The following NUMB variants were observed in gnomAD, a reference collection of about 807,000 sequenced individuals.
The protein encoded by NUMB is NUMB endocytic adaptor protein.
NUMB carries 29 observed loss-of-function variants against 59.7 expected under a neutral mutation model. That is an observed-to-expected ratio of 0.49 (90% CI 0.36 to 0.66). The LOEUF (loss-of-function observed/expected upper bound fraction) is 0.66, where lower values mean the gene tolerates loss of function less well. Among genes scored for constraint, NUMB ranks in the 30% least tolerant of loss-of-function variants. NUMB has a pLI of 0.00. For missense variants in NUMB, 723 were observed against 822.0 expected, an observed-to-expected ratio of 0.88 and a Z score of 1.47; for synonymous variants, 288 against 288.2, an observed-to-expected ratio of 1.00 and a Z score of 0.01.
chr14:73,309,953 A>G (rs1016870140), intron 6 of NUMB, among the ~76,000 whole-genome samples: 6 of 152,158 alleles, frequency 3.9e-5, no homozygotes, highest in African/African-American at 1.4e-4. Context: ...TGCATTCTCT[A>G]AAACTTAACC....
At chr14:73,448,754 T>A (rs1458656452) in intron 1 of NUMB, among the ~76,000 whole-genome samples, 2 of 152,180 alleles carry the variant, frequency 1.3e-5, no homozygotes, top group African/African-American at 4.8e-5. Flanking sequence ...TAATGCTCAA[T>A]TGTTTTTTTC....
intron 2 of NUMB, among the ~76,000 whole-genome samples, chr14:73,387,037 C>A (rs542801866): frequency 2.0e-5 from 3 of 150,936 alleles, no homozygotes; most frequent in African/African-American, 7.3e-5. Flanking sequence ...CCCGCCACTA[C>A]GCCCGGCTAA....
chr14:73,294,220 C>CT (rs1456530839), intron 7 of NUMB, among the ~76,000 whole-genome samples: 5 of 151,722 alleles, frequency 3.3e-5, no homozygotes, highest in Non-Finnish European at 7.4e-5. Flanking sequence ...CGTTTTTGTT[C>CT]TTTTTTTGAG....
At chr14:73,371,154 C>T (rs1894653571) in intron 2 of NUMB, among the ~76,000 whole-genome samples, 2 of 152,120 alleles carry the variant, frequency 1.3e-5, no homozygotes, top group Non-Finnish European at 2.9e-5. Flanking sequence ...CATTTTAGTC[C>T]TAAATATTTT....
chr14:73,447,785 ATTTTTT>A (rs578171322), intron 1 of NUMB, among the ~76,000 whole-genome samples: 1 of 141,550 alleles, frequency 7.1e-6, no homozygotes, highest in South Asian at 2.2e-4. Flanking sequence ...TTTCTTGCCG[ATTTTTT>A]TTTTTTTTTG....
intron 1 of NUMB, among the ~76,000 whole-genome samples, chr14:73,411,118 A>G (rs368125177): frequency 6.6e-6 from 1 of 150,840 alleles, no homozygotes; most frequent in African/African-American, 2.4e-5. Context: ...TGCAGCCTCA[A>G]TCTGCCAGGC....
chr14:73,342,470 C>T (rs1025921584), intron 4 of NUMB, among the ~76,000 whole-genome samples: 1 of 152,174 alleles, frequency 6.6e-6, no homozygotes. Context: ...AAATTATAAG[C>T]ACTGGAAAAT....
intron 2 of NUMB, among the ~76,000 whole-genome samples, chr14:73,372,839 T>G (rs1216778581): frequency 1.3e-5 from 2 of 152,208 alleles, no homozygotes; most frequent in Non-Finnish European, 2.9e-5. Context: ...TATTTCATTA[T>G]TCATCACTGT....
intron 4 of NUMB, among the ~76,000 whole-genome samples, chr14:73,345,565 TTTTG>T (rs1398886097): frequency 1.3e-5 from 2 of 152,202 alleles, no homozygotes; most frequent in African/African-American, 4.8e-5. Context: ...CCAAGGAGTT[TTTTG>T]TTTATGTCAG....
At chr14:73,374,544 T>C (rs767204269) in intron 2 of NUMB, among the ~76,000 whole-genome samples, 2 of 152,176 alleles carry the variant, frequency 1.3e-5, no homozygotes, top group Non-Finnish European at 2.9e-5. Flanking sequence ...TCATAAGTAA[T>C]TGAATATTTC....
At chr14:73,436,397 A>G (rs564874251) in intron 1 of NUMB, among the ~76,000 whole-genome samples, 18 of 152,042 alleles carry the variant, frequency 1.2e-4, no homozygotes, top group African/African-American at 4.3e-4. Flanking sequence ...GCTCACTGCA[A>G]CCTCTGCCCC....
At position 73,386,864 on chromosome 14, in the gene NUMB, CTTATTTT is replaced by C. The variant is rs371218551; in HGVS notation, c.-100-19890_-100-19884del. Among the ~76,000 whole-genome samples, 22 of 73,806 alleles carry C rather than the reference CTTATTTT, an allele frequency of 3.0e-4. 2 individuals are homozygous for C. The highest frequency in any genetic ancestry group is 5.7e-4 in the Admixed American group (3 of 5,280). The allele number at this position is 73,806 out of a possible 152,430, so 48.4% of individuals were successfully genotyped here. On this transcript the variant is annotated intron_variant, in intron 2 of 12. Coordinates refer to ENST00000555238, the MANE Select transcript of NUMB (RefSeq NM_001005743.2). ...TAATACAAGACAATCTATCAGGTGT[CTTATTTT>C]TTTTTTTTTTTTTTTTTTTTTTTTT...
At chr14:73,314,528 G>A (rs985239251) in intron 6 of NUMB, among the ~76,000 whole-genome samples, 18 of 152,036 alleles carry the variant, frequency 1.2e-4, no homozygotes, top group Admixed American at 2.0e-4. Context: ...CCCATTATAC[G>A]TAGCAATAAA....
At chr14:73,293,447 A>G (rs1889542535) in intron 7 of NUMB, among the ~76,000 whole-genome samples, 2 of 133,334 alleles carry the variant, frequency 1.5e-5, no homozygotes, top group African/African-American at 5.8e-5. Flanking sequence ...GCTGGAGTGC[A>G]GTGGCGCGAT....
At chr14:73,401,448 T>C (rs1896408578) in intron 2 of NUMB, among the ~76,000 whole-genome samples, 1 of 150,222 alleles carries the variant, frequency 6.7e-6, no homozygotes, top group East Asian at 1.9e-4. Flanking sequence ...CAATAATGAC[T>C]AACTGGCTAT....
intron 1 of NUMB, among the ~76,000 whole-genome samples, chr14:73,418,758 C>A (rs761397553): frequency 1.7e-4 from 26 of 149,144 alleles, no homozygotes; most frequent in Middle Eastern, 3.5e-3. Flanking sequence ...ACAACAAGAG[C>A]AAAACTCTGT....
chr14:73,338,966 C>G (rs766234698), intron 4 of NUMB, among the ~76,000 whole-genome samples: 1 of 152,154 alleles, frequency 6.6e-6, no homozygotes, highest in African/African-American at 2.4e-5. Flanking sequence ...GAGTTGTTTA[C>G]CACTTCAGAA....
At chr14:73,319,913 C>T (rs1351271992) in intron 5 of NUMB, among the ~76,000 whole-genome samples, 9 of 152,050 alleles carry the variant, frequency 5.9e-5, no homozygotes, top group African/African-American at 1.4e-4. Context: ...GGGTGGATCA[C>T]GAGGTCATGA....
At chr14:73,446,497 T>C (rs1348398278) in intron 1 of NUMB, among the ~76,000 whole-genome samples, 2 of 151,382 alleles carry the variant, frequency 1.3e-5, no homozygotes, top group African/African-American at 4.9e-5. Flanking sequence ...TCCCAGCTAC[T>C]CAGGAGGCTG....
Sources: gnomAD v4.1 joint callset for allele counts (sites outside exome capture counted in the v4.1 genomes callset) on GRCh38, gnomAD v4.1.1 for gene constraint, MANE v1.5 for transcripts, NCBI Gene and HGNC (gene_info 2026-07-23, HGNC 2026-07-21) for gene names.